The following INTS9 variants were observed in gnomAD, a reference collection of about 807,000 sequenced individuals.
The protein encoded by INTS9 is protein related to CPSF subunits of 74 kDa.
INTS9 carries 55 observed loss-of-function variants against 79.7 expected under a neutral mutation model. The ratio of observed to expected loss-of-function variants is 0.69; its 90% CI spans 0.56 to 0.86. The LOEUF (loss-of-function observed/expected upper bound fraction) is 0.86. INTS9 is among the 40% of genes least tolerant of loss of function. INTS9 has a pLI of 0.00. For missense variants in INTS9, 721 were observed against 831.5 expected (o/e 0.87, Z 1.64); for synonymous variants, 319 against 325.2 (o/e 0.98, Z 0.20).
At chr8:28,771,230 G>A (rs1802521358) in intron 14 of INTS9, 150 bp from the exon 15 acceptor site, 4 of 689,838 alleles carry the variant, frequency 5.8e-6, no homozygotes, top group Non-Finnish European at 1.0e-5. Context: ...GTCTTGCTCT[G>A]TCGCCCAGGT....
Position 28,813,517 on chromosome 8 carries a change from T to A in INTS9, c.584A>T (p.Gln195Leu), listed in dbSNP as rs779501041. 12 of 1,613,600 alleles carry A rather than the reference T, an allele frequency of 7.4e-6. No homozygotes were observed. Among genetic ancestry groups the A allele is most frequent in the Non-Finnish European group, 1.0e-5 (12 of 1,179,582 alleles). Reference protein sequence around the residue: ...QEVNSALSKIQLVGYSQKIEL... With the variant: ...QEVNSALSKILLVGYSQKIEL... ...AATTTTCTGAGAATATCCCACCAGC[T>A]GGATTTTACTAAGGGCAGAGTTCAC... is the stretch of plus-strand genomic sequence containing the variant. The change falls in exon 7 of 17, where the codon CAG (glutamine) becomes CTG (leucine). Residue 195 changes from glutamine (Q) to leucine (L), a missense_variant. Gln to Leu is a moderately radical substitution (Grantham distance 113). Transcript: ENST00000521022.
At chr8:28,842,124 G>A (rs1443318310) in intron 4 of INTS9, among the ~76,000 whole-genome samples, 1 of 152,128 alleles carries the variant, frequency 6.6e-6, no homozygotes, top group African/African-American at 2.4e-5. Context: ...GTACTTTAGT[G>A]ATAGTAAAAT....
At chr8:28,804,887 A>G (rs1268404269) in intron 8 of INTS9, among the ~76,000 whole-genome samples, 1 of 152,224 alleles carries the variant, frequency 6.6e-6, no homozygotes, top group Non-Finnish European at 1.5e-5. Flanking sequence ...TAGGCTGAGG[A>G]GCAGCATGAA....
chr8:28,772,938 G>A (rs1407488424), intron 14 of INTS9, among the ~76,000 whole-genome samples: 2 of 152,234 alleles, frequency 1.3e-5, no homozygotes, highest in Non-Finnish European at 1.5e-5. Flanking sequence ...GGAGGCAGAA[G>A]TAAGAGCTGT....
intron 1 of INTS9, among the ~76,000 whole-genome samples, chr8:28,881,318 G>A (rs1470933936): frequency 6.5e-5 from 8 of 123,020 alleles, no homozygotes; most frequent in African/African-American, 9.6e-5. Context: ...TCAGCCCCCC[G>A]CCTGGCCAGC....
At chr8:28,799,188 C>T (rs532660261) in intron 8 of INTS9, among the ~76,000 whole-genome samples, 38 of 152,182 alleles carry the variant, frequency 2.5e-4, no homozygotes, top group East Asian at 1.2e-3. Flanking sequence ...CCCACCTACT[C>T]GGGAGGCTGA....
At position 28,794,246 on chromosome 8, in the gene INTS9, C is replaced by T. The variant is rs986421986; in HGVS notation, c.857-259G>A. 4.6e-5 allele frequency among the ~76,000 whole-genome samples: 7 copies of T among 152,144 alleles called. No individual in the cohort carries two copies. The East Asian group carries it at 1.2e-3, about 25-fold the overall frequency. The stretch of plus-strand genomic sequence containing the variant: ...TACGGGTTTGGGTTTTTACCAATGG[C>T]AGCTGAGCTTCAGGACAGAGCCTCC... On this transcript the variant is annotated intron_variant, in intron 9 of 16. Transcript: ENST00000521022.
intron 10 of INTS9, among the ~76,000 whole-genome samples, chr8:28,793,128 G>A (rs1009360048): frequency 1.3e-5 from 2 of 151,964 alleles, no homozygotes; most frequent in Admixed American, 6.6e-5. Context: ...TGTGTCTATC[G>A]GCTACCTCAT....
intron 1 of INTS9, among the ~76,000 whole-genome samples, chr8:28,866,707 T>C (rs1382201768): frequency 1.3e-5 from 2 of 152,250 alleles, no homozygotes; most frequent in Non-Finnish European, 2.9e-5. Flanking sequence ...CCAGGCGTGG[T>C]GGCTCACGCC....
intron 7 of INTS9, among the ~76,000 whole-genome samples, chr8:28,812,702 A>G (rs565602309): frequency 2.6e-4 from 39 of 152,294 alleles, no homozygotes; most frequent in Admixed American, 7.2e-4. Flanking sequence ...AAAAATACAA[A>G]AATTAGCTGG....
chr8:28,865,249 A>T (rs1252046770), intron 1 of INTS9, among the ~76,000 whole-genome samples: 1 of 152,050 alleles, frequency 6.6e-6, no homozygotes, highest in East Asian at 1.9e-4. Flanking sequence ...GCAGATATAA[A>T]ATTTTATTTT....
chr8:28,770,948 AG>A (rs775508000), intron 15 of INTS9, 33 bp downstream of exon 15: 1 of 1,462,962 alleles, frequency 6.8e-7, no homozygotes, highest in Non-Finnish European at 9.5e-7. Context: ...TGCTGGGGAG[AG>A]GGTCCCCTGC....
intron 1 of INTS9, 50 bp from the exon 2 acceptor site, chr8:28,859,613 T>TAC (rs756195201): frequency 3.8e-6 from 6 of 1,589,278 alleles, no homozygotes; most frequent in Non-Finnish European, 4.3e-6. Context: ...AGAAGAATCC[T>TAC]ACAAAGTAAA....
intron 11 of INTS9, among the ~76,000 whole-genome samples, chr8:28,785,839 C>G (rs1023364310): frequency 6.6e-6 from 1 of 152,130 alleles, no homozygotes. Flanking sequence ...CACACCAATA[C>G]CATCAATTCT....
intron 12 of INTS9, among the ~76,000 whole-genome samples, chr8:28,778,210 A>C (rs999060191): frequency 6.6e-6 from 1 of 152,232 alleles, no homozygotes; most frequent in Non-Finnish European, 1.5e-5. Flanking sequence ...GGGAGAAAAG[A>C]AAGCTCTTTT....
rs1252217067 is a variant in INTS9, at chr8:28,830,025, C to G, written c.488+5267G>C. Among the ~76,000 whole-genome samples the G allele has an allele frequency of 8.0e-5, 12 of 149,716 alleles. No homozygotes were observed. In the East Asian group the frequency reaches 2.1e-3, roughly 27 times the overall value. On this transcript the variant is annotated intron_variant, in intron 6 of 16. Transcript: ENST00000521022. ...GACCTGTGATCCCTACTTTGGAAGA[C>G]CTGGACAGGCAAAGCACAAGAATGA... is the stretch of plus-strand genomic sequence containing the variant.
At chr8:28,841,311 C>G (rs1807170423) in intron 4 of INTS9, among the ~76,000 whole-genome samples, 1 of 152,228 alleles carries the variant, frequency 6.6e-6, no homozygotes, top group East Asian at 1.9e-4. Flanking sequence ...CATTTTTAAA[C>G]AAATAAGGAA....
At chr8:28,862,221 C>T (rs564183204) in intron 1 of INTS9, 2 of 984,778 alleles carry the variant, frequency 2.0e-6, no homozygotes, top group Admixed American at 6.1e-5. Context: ...GACTAAGGCA[C>T]AAAACCAGTA....
rs775106628 is a variant in INTS9, at chr8:28,837,642, G to A, written c.396C>T (p.Ile132=). The change falls in exon 5 of 17, where the codon ATC becomes ATT. Residue 132 remains isoleucine, a synonymous_variant. Transcript: ENST00000521022. The part of the protein sequence containing the change: ...TVYATEPTVQ[I]GRLLMEELVN... ...GTCAGAATCAACCCTCTCACCTGCC[G>A]ATCTGGACGGTGGGTTCCGTGGCAT... The A allele has an allele frequency of 2.0e-5, 33 of 1,612,630 alleles. No individual in the cohort carries two copies. The highest frequency in any genetic ancestry group is 9.9e-5 in the South Asian group (9 of 90,982).
Sources: allele counts gnomAD v4.1 joint callset (sites outside exome capture counted in the v4.1 genomes callset), GRCh38; gene constraint gnomAD v4.1.1; transcripts MANE v1.5; gene names NCBI Gene and HGNC (gene_info 2026-07-23, HGNC 2026-07-21).